RAB38: variants seen among roughly 807,000 people sequenced by gnomAD.
The protein encoded by RAB38 is ras-related protein Rab-38.
In RAB38, 15 loss-of-function variants were observed where a neutral mutation model predicts 18.4. The observed-to-expected ratio is 0.82, with a 90% CI of 0.55 to 1.26. The LOEUF (loss-of-function observed/expected upper bound fraction) is 1.26. RAB38 is among the 50% of genes most tolerant of loss of function. The pLI is 0.00. For missense variants in RAB38, 294 were observed against 267.4 expected, an observed-to-expected ratio of 1.10 and a Z score of -0.69; for synonymous variants, 101 against 104.4, an observed-to-expected ratio of 0.97 and a Z score of 0.20.
At chr11:88,078,501 A>ATGTGTGTGTGTGTGTGTG in the RAB38 span, among the ~76,000 whole-genome samples, 45 of 148,794 alleles carry the variant, frequency 3.0e-4, no homozygotes, top group Middle Eastern at 3.4e-3. Flanking sequence ...GTGTGTATAT[A>ATGTGTGTGTGTGTGTGTG]TGTGTGTGTG....
the RAB38 span, among the ~76,000 whole-genome samples, chr11:88,062,491 C>A: frequency 1.3e-5 from 2 of 152,182 alleles, no homozygotes; most frequent in African/African-American, 4.8e-5. Flanking sequence ...AATACAAATA[C>A]TGTCTTAACA....
chr11:88,138,541 G>A lies in RAB38; in HGVS notation c.483+11134C>T, dbSNP rs76452288. On this transcript the variant is annotated intron_variant, in intron 2 of 2. Coordinates refer to ENST00000243662, the MANE Select transcript of RAB38 (RefSeq NM_022337.3). ...CACAGAGAAGTAAAAAGAAAAATAG[G>A]GAAGAAGAGATCTGAATAGAGAGAG... is the stretch of plus-strand genomic sequence containing the variant. Among the ~76,000 whole-genome samples the A allele has an allele frequency of 8.4e-3, 1,282 of 152,038 alleles. 17 individuals are homozygous for A. Among genetic ancestry groups the A allele is most frequent in the African/African-American group, 0.029 (1,222 of 41,476 alleles).
chr11:87,945,704 A>G, the RAB38 span, among the ~76,000 whole-genome samples: 1 of 152,196 alleles, frequency 6.6e-6, no homozygotes, highest in African/African-American at 2.4e-5. Context: ...CATATTTCAG[A>G]TGAAATAATG....
At chr11:87,910,987 TA>T in the RAB38 span, among the ~76,000 whole-genome samples, 1 of 152,068 alleles carries the variant, frequency 6.6e-6, no homozygotes, top group African/African-American at 2.4e-5. Flanking sequence ...TTTGTTTTTT[TA>T]TTTTTTTGCA....
the RAB38 span, among the ~76,000 whole-genome samples, chr11:87,909,545 C>A: frequency 2.0e-5 from 3 of 152,004 alleles, no homozygotes; most frequent in African/African-American, 7.2e-5. Context: ...TATGTTTCCA[C>A]AAATGTGTAC....
chr11:87,860,784 ATT>A, the RAB38 span, among the ~76,000 whole-genome samples: 6 of 151,540 alleles, frequency 4.0e-5, no homozygotes, highest in African/African-American at 1.5e-4. Context: ...GTGAAAGCTA[ATT>A]TTTTTTTATT....
chr11:88,110,685 C>T (rs1050245303), downstream of RAB38, among the ~76,000 whole-genome samples: 2 of 151,650 alleles, frequency 1.3e-5, no homozygotes, highest in South Asian at 2.1e-4. Context: ...GGTGTGCTGG[C>T]GCATGCCTGT....
the RAB38 span, among the ~76,000 whole-genome samples, chr11:87,900,040 G>A: frequency 2.6e-5 from 4 of 151,252 alleles, no homozygotes; most frequent in South Asian, 2.1e-4. Context: ...AGACACTGAC[G>A]GGCATGCTGG....
downstream of RAB38, among the ~76,000 whole-genome samples, chr11:88,112,795 T>A (rs551139157): frequency 3.3e-4 from 41 of 124,564 alleles, no homozygotes; most frequent in African/African-American, 1.6e-3. Context: ...AACAACAAAA[T>A]ATATATATAT....
At chr11:88,047,025 G>T in the RAB38 span, among the ~76,000 whole-genome samples, 9 of 152,096 alleles carry the variant, frequency 5.9e-5, no homozygotes, top group African/African-American at 1.9e-4. Flanking sequence ...CTTTTGCCTA[G>T]CCCTCAATTC....
the RAB38 span, among the ~76,000 whole-genome samples, chr11:87,812,326 G>T: frequency 1.3e-4 from 19 of 151,868 alleles, no homozygotes; most frequent in African/African-American, 4.6e-4. Flanking sequence ...TTCTGTTACT[G>T]ATGATTAAAT....
chr11:88,148,461 G>A (rs1591170222), intron 2 of RAB38, among the ~76,000 whole-genome samples: 1 of 152,004 alleles, frequency 6.6e-6, no homozygotes, highest in African/African-American at 2.4e-5. Flanking sequence ...TTCCCACAGA[G>A]CATGGTAACT....
the RAB38 span, among the ~76,000 whole-genome samples, chr11:87,878,199 CTAAACA>C: frequency 9.5e-6 from 1 of 105,614 alleles, no homozygotes; most frequent in Admixed American, 1.1e-4. Context: ...CTAATATGTG[CTAAACA>C]TATATATATA....
chr11:88,012,944 T>C, the RAB38 span, among the ~76,000 whole-genome samples: 1 of 152,174 alleles, frequency 6.6e-6, no homozygotes, highest in Non-Finnish European at 1.5e-5. Context: ...GTACAGAAAG[T>C]ATTGTGTTAC....
the RAB38 span, among the ~76,000 whole-genome samples, chr11:87,938,777 G>A: frequency 1.3e-5 from 2 of 151,494 alleles, no homozygotes; most frequent in Non-Finnish European, 2.9e-5. Context: ...TATACGTAAG[G>A]CGAAAAGTAA....
chr11:88,081,037 A>T, the RAB38 span, among the ~76,000 whole-genome samples: 1 of 152,024 alleles, frequency 6.6e-6, no homozygotes, highest in Non-Finnish European at 1.5e-5. Flanking sequence ...AAAAATACTC[A>T]TTTAAAGATT....
the RAB38 span, among the ~76,000 whole-genome samples, chr11:87,950,288 C>T: frequency 8.8e-4 from 134 of 152,150 alleles, no homozygotes; most frequent in African/African-American, 1.5e-3. Flanking sequence ...TGTCTCTGCA[C>T]GTGAGATGGG....
chr11:88,137,662 A>G (rs553152181), intron 2 of RAB38, among the ~76,000 whole-genome samples: 46 of 152,302 alleles, frequency 3.0e-4, no homozygotes, highest in African/African-American at 6.5e-4. Context: ...AAGAAATAAC[A>G]TTTTTCAGAA....
the RAB38 span, among the ~76,000 whole-genome samples, chr11:88,040,471 T>G: frequency 1.0e-3 from 156 of 152,256 alleles, no homozygotes; most frequent in African/African-American, 3.6e-3. Flanking sequence ...AACCCAGCAC[T>G]TTGGGAGGGC....
Sources: allele counts gnomAD v4.1 joint callset (sites outside exome capture counted in the v4.1 genomes callset), GRCh38; gene constraint gnomAD v4.1.1; transcripts MANE v1.5; gene names NCBI Gene and HGNC (gene_info 2026-07-23, HGNC 2026-07-21).